Variants in DNAH9 observed in about 807,000 individuals in gnomAD.
DNAH9 encodes the protein dynein axonemal heavy chain 9.
In DNAH9, 345 loss-of-function variants were observed where a neutral mutation model predicts 471.6. The observed-to-expected ratio is 0.73, with a 90% CI of 0.67 to 0.80. The LOEUF is 0.80. Among genes scored for constraint, DNAH9 ranks in the 30% least tolerant of loss-of-function variants. The pLI, the probability that DNAH9 is intolerant of heterozygous loss-of-function variation, is 0.00. For missense variants in DNAH9, 5,407 were observed against 5,609.2 expected (o/e 0.96, Z 1.15); for synonymous variants, 2,093 against 2,123.6 (o/e 0.99, Z 0.40).
intron 4 of DNAH9, chr17:11,611,992 G>A (rs2072648551): frequency 1.6e-6 from 1 of 612,316 alleles, no homozygotes; most frequent in Non-Finnish European, 2.9e-6. Flanking sequence ...TGTATGGCCT[G>A]GGAAAATTCA....
At chr17:11,716,312 C>T (rs1268428486) in intron 26 of DNAH9, among the ~76,000 whole-genome samples, 2 of 152,052 alleles carry the variant, frequency 1.3e-5, no homozygotes, top group African/African-American at 4.8e-5. Flanking sequence ...AACTCCTGAC[C>T]TCAGGTAATC....
chr17:11,934,173 C>T (rs1974617479), intron 65 of DNAH9, 102 bp downstream of exon 65: 2 of 1,291,398 alleles, frequency 1.5e-6, no homozygotes, highest in Non-Finnish European at 1.1e-6. Flanking sequence ...TCTGCTGGGA[C>T]ATCACCATGG....
At chr17:11,703,513 G>T (rs2074640548) in intron 24 of DNAH9, among the ~76,000 whole-genome samples, 1 of 152,114 alleles carries the variant, frequency 6.6e-6, no homozygotes, top group African/African-American at 2.4e-5. Flanking sequence ...ATGAGCAATG[G>T]ATCTAAATTC....
chr17:11,684,840 C>T (rs1567716761), intron 19 of DNAH9, among the ~76,000 whole-genome samples: 1 of 152,186 alleles, frequency 6.6e-6, no homozygotes, highest in African/African-American at 2.4e-5. Flanking sequence ...TTTTGACCTT[C>T]TTGCACAGTG....
intron 35 of DNAH9, among the ~76,000 whole-genome samples, chr17:11,761,979 G>A (rs1967692317): frequency 6.6e-6 from 1 of 152,042 alleles, no homozygotes; most frequent in Non-Finnish European, 1.5e-5. Flanking sequence ...AGGGCAGTTG[G>A]CACCTATCCT....
rs369651318 is a variant in DNAH9 at position 11,680,898 on chromosome 17, C to T, written c.3743+9C>T. The T allele has an allele frequency of 2.2e-5, 35 of 1,602,016 alleles. No homozygotes were observed. Among genetic ancestry groups the T allele is most frequent in the South Asian group, 4.5e-5 (4 of 89,288 alleles). On this transcript the variant is annotated intron_variant, in intron 19 of 68. Transcript: ENST00000262442. ...AAAGAAGCCCCGTTCAGGTATGGGC[C>T]GAACACTGCTGCCTCTCTTTCTGTG...
chr17:11,827,115 A>G (rs1970526153), intron 48 of DNAH9, among the ~76,000 whole-genome samples: 1 of 151,904 alleles, frequency 6.6e-6, no homozygotes, highest in African/African-American at 2.4e-5. Context: ...GTGAGCCACC[A>G]TGCCTGGCCG....
intron 67 of DNAH9, among the ~76,000 whole-genome samples, chr17:11,950,366 A>T (rs1273618769): frequency 6.6e-6 from 1 of 152,154 alleles, no homozygotes; most frequent in African/African-American, 2.4e-5. Context: ...CACTGCCCTA[A>T]AATTCCTTTG....
Position 11,664,869 on chromosome 17 carries a change from A to G in DNAH9, c.2632A>G (p.Asn878Asp), listed in dbSNP as rs1374258658. 3.1e-6 allele frequency: 5 copies of G among 1,613,132 alleles called. No homozygotes were observed. The highest frequency in any genetic ancestry group is 2.2e-5 in the East Asian group (1 of 44,878). Reference sequence around the variant, plus strand: ...TCTATTTTCAGCAGACCCAACCTCCAATATCTGGAAGACTTATGTTAACTC... The same window carrying G: ...TCTATTTTCAGCAGACCCAACCTCCGATATCTGGAAGACTTATGTTAACTC... Reference protein sequence around the residue: ...LGLFSADPTSNIWKTYVNSID... With the variant: ...LGLFSADPTSDIWKTYVNSID... The change falls in exon 15 of 69, where the codon AAT becomes GAT. Residue 878 changes from asparagine to aspartate, a missense_variant. By Grantham distance (23) the Asn-to-Asp change is conservative. Coordinates refer to ENST00000262442, the MANE Select transcript of DNAH9 (RefSeq NM_001372.4).
intron 28 of DNAH9, among the ~76,000 whole-genome samples, chr17:11,728,715 A>T (rs916864490): frequency 6.6e-6 from 1 of 152,074 alleles, no homozygotes; most frequent in African/African-American, 2.4e-5. Flanking sequence ...AAGGGGGGGA[A>T]CGTTTGAATA....
intron 68 of DNAH9, among the ~76,000 whole-genome samples, chr17:11,967,040 A>G (rs1976792320): frequency 6.6e-6 from 1 of 151,626 alleles, no homozygotes; most frequent in South Asian, 2.1e-4. Flanking sequence ...ATCTCAAAAA[A>G]AAAAAAAAAA....
intron 12 of DNAH9, among the ~76,000 whole-genome samples, chr17:11,648,762 A>G (rs566775108): frequency 4.0e-4 from 61 of 152,186 alleles, no homozygotes; most frequent in Non-Finnish European, 8.7e-4. Context: ...TACAAGCTTA[A>G]CAAGTCAAAG....
intron 26 of DNAH9, among the ~76,000 whole-genome samples, chr17:11,714,856 G>A (rs949626205): frequency 2.6e-5 from 4 of 152,240 alleles, no homozygotes; most frequent in Admixed American, 1.3e-4. Context: ...GACCTCAGAA[G>A]TGAATTCTGC....
intron 26 of DNAH9, among the ~76,000 whole-genome samples, chr17:11,705,926 C>T (rs192322778): frequency 6.6e-6 from 1 of 152,254 alleles, no homozygotes; most frequent in Non-Finnish European, 1.5e-5. Context: ...AAGTATTTCT[C>T]TCTATATTCA....
intron 59 of DNAH9, 48 bp from the exon 60 acceptor site, chr17:11,902,671 G>A: frequency 6.4e-7 from 1 of 1,561,202 alleles, no homozygotes; most frequent in Admixed American, 1.8e-5. Flanking sequence ...CAATGCAAAT[G>A]ACAGCTTTCT....
Position 11,783,714 on chromosome 17 carries a change from C to T in DNAH9, c.7787C>T (p.Thr2596Met), listed in dbSNP as rs770146400. The T allele has an allele frequency of 1.7e-5, 28 of 1,613,952 alleles. No individual in the cohort carries two copies. The highest frequency in any genetic ancestry group is 1.6e-4 in the Middle Eastern group (1 of 6,084). ...CAGTATGTTTCCTGTATGAACCCCA[C>T]GGCAGGCAGCTTCACCATCAACCCC... ...NVQYVSCMNP[T>M]AGSFTINPRL... Residue 2596 changes from threonine (T) to methionine (M), a missense_variant, in exon 40 of 69, where the codon ACG (threonine) becomes ATG (methionine). This residue lies in a region of DNAH9 where 4,636 missense variants were observed against 4,900.3 expected (regional missense o/e 0.95). Transcript: ENST00000262442.
chr17:11,874,112 G>C (rs529659466), intron 52 of DNAH9, among the ~76,000 whole-genome samples: 9 of 152,068 alleles, frequency 5.9e-5, no homozygotes, highest in South Asian at 2.1e-4. Flanking sequence ...GGGTGTGGTG[G>C]CAGGCACCTG....
rs539045956 is a variant in DNAH9, at chr17:11,931,285, T to A, written c.12106-729T>A. On this transcript the variant is annotated intron_variant, in intron 63 of 68. Coordinates refer to ENST00000262442, the MANE Select transcript of DNAH9 (RefSeq NM_001372.4). ...GTCATCTTGTCATAGTACCAGTGCA[T>A]CTCAGGTTTCCCAGAAGCCCTGCCA... 2.0e-5 allele frequency among the ~76,000 whole-genome samples: 3 copies of A among 152,310 alleles called. No homozygotes were observed. The South Asian group carries it at 6.2e-4, about 32-fold the overall frequency.
chr17:11,733,087 G>C (rs1421268832), intron 28 of DNAH9, among the ~76,000 whole-genome samples: 2 of 152,246 alleles, frequency 1.3e-5, no homozygotes, highest in African/African-American at 4.8e-5. Flanking sequence ...TGAGTGGGTT[G>C]CATTTCCCGA....
Sources: gnomAD v4.1 joint callset for allele counts (sites outside exome capture counted in the v4.1 genomes callset) on GRCh38, gnomAD v4.1.1 for gene constraint, gnomAD v4.1.1 regional missense constraint, MANE v1.5 for transcripts, NCBI Gene and HGNC (gene_info 2026-07-23, HGNC 2026-07-21) for gene names.